The following TPO variants were observed in gnomAD, a reference collection of about 807,000 sequenced individuals.
TPO encodes thyroid peroxidase, also known as thyroid microsomal antigen.
TPO carries 78 observed loss-of-function variants against 96.9 expected under a neutral mutation model. The observed-to-expected ratio is 0.81, with a 90% CI of 0.67 to 0.97. The LOEUF is 0.97. TPO is among the 50% of genes least tolerant of loss of function. The probability of loss-of-function intolerance (pLI) is 0.00; values close to 1 mark genes in which losing one functional copy is unlikely to be tolerated. For missense variants in TPO, 1,252 were observed against 1,274.8 expected (o/e 0.98, Z 0.27); for synonymous variants, 547 against 538.0 (o/e 1.02, Z -0.23).
intron 1 of TPO, among the ~76,000 whole-genome samples, chr2:1,402,042 C>T (rs961257220): frequency 1.3e-5 from 2 of 152,178 alleles, no homozygotes; most frequent in African/African-American, 2.4e-5. Context: ...CCTGGCTGCT[C>T]CTCATCTGGA....
At chr2:1,515,339 C>T (rs1674577474) in intron 14 of TPO, among the ~76,000 whole-genome samples, 2 of 152,188 alleles carry the variant, frequency 1.3e-5, no homozygotes, top group African/African-American at 4.8e-5. Flanking sequence ...GGGCTTTTAG[C>T]AAGAGGCTGG....
chr2:1,478,030 C>T (rs1670151854), intron 8 of TPO: 1 of 985,428 alleles, frequency 1.0e-6, no homozygotes, highest in Non-Finnish European at 1.2e-6. Flanking sequence ...CCCAGAACAA[C>T]CCTTGGAGGT....
intron 14 of TPO, among the ~76,000 whole-genome samples, chr2:1,506,866 T>C (rs1034998255): frequency 5.3e-5 from 8 of 152,236 alleles, no homozygotes; most frequent in Non-Finnish European, 1.0e-4. Context: ...TTTCTTTTGC[T>C]GTGCAGAAGC....
chr2:1,537,531 A>C (rs1680078503), intron 15 of TPO, among the ~76,000 whole-genome samples: 2 of 19,872 alleles, frequency 1.0e-4, no homozygotes, highest in Admixed American at 7.3e-4. Flanking sequence ...ACCTCCGCCT[A>C]TCCCCCCCAG....
intron 15 of TPO, among the ~76,000 whole-genome samples, chr2:1,528,703 C>G (rs1310173052): frequency 7.3e-6 from 1 of 136,712 alleles, no homozygotes; most frequent in Non-Finnish European, 1.5e-5. Context: ...CCTTGTGCAA[C>G]CTCCCCAAAT....
At chr2:1,542,223 GGCCTCCTGCAAACAA>G (rs1376659209) in intron 16 of TPO, 183 bp from the exon 17 acceptor site, 1 of 707,870 alleles carries the variant, frequency 1.4e-6, no homozygotes, top group Non-Finnish European at 2.4e-6. Context: ...GATCCTCTGT[GGCCTCCTGCAAACAA>G]GCATTTGTCC....
chr2:1,495,962 C>T lies in TPO; in HGVS notation c.2007-27C>T, dbSNP rs370118880. On this transcript the variant is annotated intron_variant, in intron 11 of 16. Coordinates refer to ENST00000329066, the MANE Select transcript of TPO (RefSeq NM_001206744.2). ...CCTGGGGGTTCTCCATGCACTGTGA[C>T]CTTACTCACTGTCTCCTTCTCTGGA... 3.3e-5 allele frequency: 53 copies of T among 1,607,050 alleles called. No homozygotes were observed. The Middle Eastern group carries it at 3.1e-3, about 93-fold the overall frequency.
chr2:1,488,104 C>A, intron 10 of TPO, 113 bp downstream of exon 10: 1 of 1,488,386 alleles, frequency 6.7e-7, no homozygotes, highest in Non-Finnish European at 9.2e-7. Flanking sequence ...AATCTGAGGC[C>A]TTCTAAGCAA....
upstream of TPO, among the ~76,000 whole-genome samples, chr2:1,408,696 T>C (rs1407228779): frequency 6.6e-6 from 1 of 152,198 alleles, no homozygotes; most frequent in Admixed American, 6.5e-5. Flanking sequence ...CATTAATTAA[T>C]TAATCTTATA....
chr2:1,406,980 T>C (rs536571663), intron 1 of TPO, among the ~76,000 whole-genome samples: 1 of 152,304 alleles, frequency 6.6e-6, no homozygotes, highest in African/African-American at 2.4e-5. Flanking sequence ...ATGAAAAATT[T>C]ATTTTGCTGC....
At chr2:1,480,047 G>T (rs924553429) in intron 8 of TPO, among the ~76,000 whole-genome samples, 1 of 152,048 alleles carries the variant, frequency 6.6e-6, no homozygotes, top group African/African-American at 2.4e-5. Context: ...CTCCCAAAGT[G>T]CTGGGATTAC....
intron 3 of TPO, among the ~76,000 whole-genome samples, chr2:1,425,919 C>T (rs1300158303): frequency 4.3e-5 from 6 of 139,506 alleles, no homozygotes; most frequent in Non-Finnish European, 7.7e-5. Context: ...TTCTAGATGC[C>T]GGGATACAGA....
intron 15 of TPO, among the ~76,000 whole-genome samples, chr2:1,525,833 C>A (rs1676327313): frequency 6.7e-6 from 1 of 149,566 alleles, no homozygotes; most frequent in Admixed American, 6.7e-5. Flanking sequence ...CCAAATGCCC[C>A]CCACTCTGTG....
intron 1 of TPO, among the ~76,000 whole-genome samples, chr2:1,393,186 G>T (rs1000848391): frequency 6.6e-6 from 1 of 152,180 alleles, no homozygotes; most frequent in Non-Finnish European, 1.5e-5. Flanking sequence ...AGGGAGCGAG[G>T]CGTCTCACAA....
Position 1,527,399 on chromosome 2 carries a change from C to A in TPO, c.2618+10417C>A, listed in dbSNP as rs1410489363. Among the ~76,000 whole-genome samples the A allele has an allele frequency of 8.1e-5, 12 of 147,336 alleles. 1 individual carries two copies. Among genetic ancestry groups the A allele is most frequent in the African/African-American group, 2.6e-4 (10 of 38,972 alleles). The stretch of plus-strand genomic sequence containing the variant: ...GTGTGCAACCACCCCAAATCCCCCC[C>A]ACTGTGTGCAACCTCCTCAAATCCT... On this transcript the variant is annotated intron_variant, in intron 15 of 16. Transcript: ENST00000329066.
At position 1,386,337 on chromosome 2, in the gene TPO, GT is replaced by G. The variant is rs528230557; in HGVS notation, n.180+11936del. Among the ~76,000 whole-genome samples the G allele has an allele frequency of 1.4e-3, 208 of 152,262 alleles. 1 individual carries two copies. The highest frequency in any genetic ancestry group is 4.7e-3 in the African/African-American group (197 of 41,538). On this transcript the variant is annotated intron_variant and non_coding_transcript_variant, in intron 1 of 5. Transcript: ENST00000497517. ...GGTGTTAAAGTCTCCCATTATTATTGTGTGGGAGTCTAAGTCTCTTTGTAGG... is the reference window on the plus strand; with the variant it reads ...GGTGTTAAAGTCTCCCATTATTATTGGTGGGAGTCTAAGTCTCTTTGTAGG...
intron 2 of TPO, among the ~76,000 whole-genome samples, chr2:1,418,497 A>C (rs1002487706): frequency 5.9e-5 from 9 of 152,128 alleles, no homozygotes; most frequent in Non-Finnish European, 1.0e-4. Context: ...AAACTTCAGC[A>C]CCTGAAAATT....
chr2:1,485,818 T>C (rs1329631448), intron 9 of TPO, among the ~76,000 whole-genome samples: 1 of 152,222 alleles, frequency 6.6e-6, no homozygotes, highest in East Asian at 1.9e-4. Context: ...CTTTGTCAGA[T>C]GGGTAGATTG....
chr2:1,535,088 A>C (rs1679273315), intron 15 of TPO, among the ~76,000 whole-genome samples: 1 of 78,632 alleles, frequency 1.3e-5, no homozygotes, highest in Non-Finnish European at 2.4e-5. Context: ...CACCTTCCCC[A>C]AATCTACCTA....
Sources: gnomAD v4.1 joint callset for allele counts (sites outside exome capture counted in the v4.1 genomes callset) on GRCh38, gnomAD v4.1.1 for gene constraint, MANE v1.5 for transcripts, NCBI Gene and HGNC (gene_info 2026-07-23, HGNC 2026-07-21) for gene names.